DNAH14: variants seen among roughly 807,000 people sequenced by gnomAD.
DNAH14 encodes the protein axonemal beta dynein heavy chain 14.
In DNAH14, 478 loss-of-function variants were observed where a neutral mutation model predicts 520.9. The ratio of observed to expected loss-of-function variants is 0.92; its 90% CI spans 0.85 to 0.99. DNAH14 has a LOEUF of 0.99. Ranked by LOEUF, DNAH14 falls within the 50% of genes least tolerant of loss-of-function variation. The pLI, the probability that DNAH14 is intolerant of heterozygous loss-of-function variation, is 0.00. For missense variants in DNAH14, 4,831 were observed against 5,234.5 expected (o/e 0.92, Z 2.38); for synonymous variants, 1,581 against 1,757.2 (o/e 0.90, Z 2.51).
At chr1:225,266,886 C>A in intron 49 of DNAH14, 117 bp downstream of exon 49, 1 of 937,622 alleles carries the variant, frequency 1.1e-6, no homozygotes, top group Non-Finnish European at 1.5e-6. Flanking sequence ...GCCATATGGA[C>A]ATGTTAAGCA....
chr1:225,380,202 G>A lies in DNAH14; in HGVS notation c.12760G>A (p.Asp4254Asn), dbSNP rs1051162208. Residue 4254 changes from aspartate to asparagine, a missense_variant, in exon 80 of 86, where the codon GAC becomes AAC. Transcript: ENST00000682510. ...TGAACTGGTGATGGAAATTCTATCCGACTTGCTAAAGCGGCTGCCACTGAC... is the reference window on the plus strand; with the variant it reads ...TGAACTGGTGATGGAAATTCTATCCAACTTGCTAAAGCGGCTGCCACTGAC... ...KDELVMEILS[D>N]LLKRLPLTVE... is the part of the protein sequence containing the mutation. 11 of 1,551,400 alleles carry A rather than the reference G, an allele frequency of 7.1e-6. No homozygotes were observed. Among genetic ancestry groups the A allele is most frequent in the African/African-American group, 4.1e-5 (3 of 72,986 alleles).
chr1:224,980,036 G>GGT (rs1247026010), intron 8 of DNAH14, among the ~76,000 whole-genome samples: 1 of 152,174 alleles, frequency 6.6e-6, no homozygotes, highest in Non-Finnish European at 1.5e-5. Context: ...AAACATGCTG[G>GGT]CTTCAGGTGA....
At chr1:225,266,906 C>G in intron 49 of DNAH14, 137 bp downstream of exon 49, 4 of 695,770 alleles carry the variant, frequency 5.7e-6, no homozygotes, top group Non-Finnish European at 8.9e-6. Flanking sequence ...AAAGTTGAGA[C>G]CCTAAACTAA....
intron 76 of DNAH14, among the ~76,000 whole-genome samples, chr1:225,365,831 T>C (rs977234435): frequency 9.9e-5 from 15 of 152,004 alleles, no homozygotes; most frequent in African/African-American, 3.6e-4. Flanking sequence ...GGGACAGAAA[T>C]AGCGCTTCAG....
In DNAH14 at chr1:225,184,727, G is replaced by A. The variant is rs2084464110; in HGVS notation, c.5536-564G>A. Reference sequence around the variant, plus strand: ...TTGATAAAAAGTCTCAACAAACTAGGCATCAAAGGAACATATCTTAAAAAA... The same window carrying A: ...TTGATAAAAAGTCTCAACAAACTAGACATCAAAGGAACATATCTTAAAAAA... On this transcript the variant is annotated intron_variant, in intron 36 of 85. Coordinates refer to ENST00000682510, the MANE Select transcript of DNAH14 (RefSeq NM_001367479.1). 2.0e-5 allele frequency among the ~76,000 whole-genome samples: 3 copies of A among 150,242 alleles called. No homozygotes were observed. The South Asian group carries it at 6.3e-4, about 32-fold the overall frequency.
Position 225,398,645 on chromosome 1 carries a change from C to T in DNAH14, c.13617C>T (p.Asp4539=). Residue 4539 remains aspartate (D), a synonymous_variant, in exon 85 of 86, where the codon GAC becomes GAT. Transcript: ENST00000682510. ...LPLEMCCDFP[D]IYFLPTKIST... ...TGGAGATGTGCTGTGATTTTCCCGA[C>T]ATATACTTTTTGCCAACAAAGGTAA... The T allele has an allele frequency of 6.4e-7, 1 of 1,551,724 alleles. No homozygotes were observed. Among genetic ancestry groups the T allele is most frequent in the Non-Finnish European group, 8.7e-7 (1 of 1,146,990 alleles).
At chr1:225,215,944 T>C (rs1247088529) in intron 41 of DNAH14, among the ~76,000 whole-genome samples, 4 of 152,186 alleles carry the variant, frequency 2.6e-5, no homozygotes, top group Admixed American at 2.6e-4. Flanking sequence ...CATTATGATG[T>C]TAGCTAGTTA....
chr1:225,071,533 T>C (rs12078559), intron 17 of DNAH14, among the ~76,000 whole-genome samples: 6,374 of 152,276 alleles, frequency 0.042, 391 homozygotes, highest in African/African-American at 0.13. Context: ...TTTGTAGGGT[T>C]TCCACTGAGA....
At chr1:224,993,220 TAAA>T (rs910577651) in intron 8 of DNAH14, among the ~76,000 whole-genome samples, 2 of 152,090 alleles carry the variant, frequency 1.3e-5, no homozygotes, top group African/African-American at 2.4e-5. Context: ...CTGGGCCTCA[TAAA>T]AAGAGTTTGG....
chr1:225,396,571 C>T (rs1486354328), intron 84 of DNAH14: 1 of 152,158 alleles, frequency 6.6e-6, no homozygotes, highest in Non-Finnish European at 1.5e-5. Flanking sequence ...GGCAGATGTG[C>T]ACCAGGGCCT....
chr1:225,098,542 G>A (rs1207090876), intron 22 of DNAH14, among the ~76,000 whole-genome samples: 1 of 152,208 alleles, frequency 6.6e-6, no homozygotes, highest in Non-Finnish European at 1.5e-5. Flanking sequence ...ACAAAGGGAA[G>A]CCGTTAGATT....
chr1:225,184,753 AAG>A (rs942040812), intron 36 of DNAH14, among the ~76,000 whole-genome samples: 5 of 151,798 alleles, frequency 3.3e-5, no homozygotes, highest in South Asian at 2.1e-4. Context: ...TCTTAAAAAA[AAG>A]AGAGAGAGAG....
intron 27 of DNAH14, among the ~76,000 whole-genome samples, chr1:225,135,641 C>T (rs1036615049): frequency 6.6e-6 from 1 of 152,008 alleles, no homozygotes; most frequent in Non-Finnish European, 1.5e-5. Context: ...CTATATTCTG[C>T]TGTTTTGGGG....
intron 20 of DNAH14, 50 bp from the exon 21 acceptor site, chr1:225,085,494 C>A: frequency 6.9e-7 from 1 of 1,444,656 alleles, no homozygotes; most frequent in South Asian, 1.4e-5. Context: ...TTGGACATAT[C>A]AGGAATTATT....
At chr1:225,075,503 A>G (rs532096532) in intron 17 of DNAH14, among the ~76,000 whole-genome samples, 3 of 152,106 alleles carry the variant, frequency 2.0e-5, no homozygotes, top group Non-Finnish European at 4.4e-5. Context: ...TTAGTCATTT[A>G]TTATTTTCTA....
At chr1:225,069,144 T>A (rs1430149894) in intron 17 of DNAH14, among the ~76,000 whole-genome samples, 1 of 152,206 alleles carries the variant, frequency 6.6e-6, no homozygotes, top group Non-Finnish European at 1.5e-5. Flanking sequence ...AAATATCGGA[T>A]CATGCCATCT....
Position 224,938,276 on chromosome 1 carries a change from C to T in DNAH14, c.-34+8441C>T, listed in dbSNP as rs555719621. 7.7e-4 allele frequency among the ~76,000 whole-genome samples: 117 copies of T among 152,032 alleles called. 1 individual carries two copies. Among genetic ancestry groups the T allele is most frequent in the African/African-American group, 2.7e-3 (114 of 41,506 alleles). On this transcript the variant is annotated intron_variant, in intron 1 of 85. Coordinates refer to ENST00000682510, the MANE Select transcript of DNAH14 (RefSeq NM_001367479.1). ...ATAGACAATCTACAGAAAGGGAGAA[C>T]GTATTTGCAACCTAAGCATATGACA...
At chr1:225,272,208 C>A in intron 51 of DNAH14, 135 bp downstream of exon 51, 1 of 824,080 alleles carries the variant, frequency 1.2e-6, no homozygotes, top group Non-Finnish European at 1.8e-6. Context: ...CAGCTTATCT[C>A]ATGAGTTAGT....
chr1:225,118,299 T>C (rs147496206), intron 25 of DNAH14: 1 of 408,106 alleles, frequency 2.5e-6, no homozygotes. Flanking sequence ...TAGTGCTTTT[T>C]CCCTTTTTGG....
Sources: gnomAD v4.1 joint callset for allele counts (sites outside exome capture counted in the v4.1 genomes callset) on GRCh38, gnomAD v4.1.1 for gene constraint, MANE v1.5 for transcripts, NCBI Gene and HGNC (gene_info 2026-07-23, HGNC 2026-07-21) for gene names.